CDH11: variants seen among roughly 807,000 people sequenced by gnomAD.
CDH11 encodes cadherin 11, also known as cadherin-11.
A neutral mutation model predicts 67.8 loss-of-function variants in CDH11; 11 were observed. That is an observed-to-expected ratio of 0.16 (90% CI 0.10 to 0.27). CDH11 has a LOEUF of 0.27. Ranked by LOEUF, CDH11 falls within the 10% of genes least tolerant of loss-of-function variation. CDH11 has a pLI of 1.00. For synonymous variants in CDH11, 419 were observed against 400.0 expected (o/e 1.05, Z -0.57); for missense variants, 847 against 1,031.2 (o/e 0.82, Z 2.45).
At chr16:64,972,880 C>A (rs754938320) in intron 9 of CDH11, 24 bp downstream of exon 9, 13 of 1,611,926 alleles carry the variant, frequency 8.1e-6, no homozygotes, top group South Asian at 1.1e-5. Flanking sequence ...AAAGTAGAAT[C>A]AAAACCATGA....
At chr16:65,109,928 C>A in intron 1 of CDH11, among the ~76,000 whole-genome samples, 1 of 152,206 alleles carries the variant, frequency 6.6e-6, no homozygotes, top group East Asian at 1.9e-4. Context: ...GACACCCAAG[C>A]TGGAGTGCAG....
At chr16:65,117,295 A>G (rs1369444903) in intron 1 of CDH11, among the ~76,000 whole-genome samples, 1 of 152,220 alleles carries the variant, frequency 6.6e-6, no homozygotes, top group Non-Finnish European at 1.5e-5. Context: ...TAAGACAAAA[A>G]ACACAAATAA....
At chr16:65,013,584 G>T (rs1034535726) in intron 2 of CDH11, among the ~76,000 whole-genome samples, 1 of 152,110 alleles carries the variant, frequency 6.6e-6, no homozygotes, top group Non-Finnish European at 1.5e-5. Context: ...CAGCACTTTG[G>T]AAGGCTGAGG....
At position 65,053,910 on chromosome 16, in the gene CDH11, G is replaced by T. The variant is rs991597645; in HGVS notation, c.-279C>A. On this transcript the variant is annotated 5_prime_UTR_variant, in exon 2 of 13. Coordinates refer to ENST00000268603, the MANE Select transcript of CDH11 (RefSeq NM_001797.4). ...CGAAGGAATGTCACAGGGCCGCTGA[G>T]CTGAAAACACAGTGATTTCTGCAAA... 1 of 456,050 alleles carries T rather than the reference G, an allele frequency of 2.2e-6. No homozygotes were observed. Among genetic ancestry groups the T allele is most frequent in the Non-Finnish European group, 4.4e-6 (1 of 226,798 alleles). The allele number at this position is 456,050 out of a possible 1,614,324, so 28.3% of individuals were successfully genotyped here.
intron 1 of CDH11, among the ~76,000 whole-genome samples, chr16:65,054,143 T>A (rs1454129706): frequency 1.3e-5 from 2 of 152,232 alleles, no homozygotes; most frequent in African/African-American, 2.4e-5. Flanking sequence ...TGATTAACCA[T>A]ACATGCGTTT....
At chr16:65,101,187 T>G (rs2142857439) in intron 1 of CDH11, among the ~76,000 whole-genome samples, 1 of 152,316 alleles carries the variant, frequency 6.6e-6, no homozygotes, top group East Asian at 1.9e-4. Flanking sequence ...TGTTGGCCTC[T>G]CAGAACCCCA....
chr16:65,056,582 T>C (rs2074147491), intron 1 of CDH11, among the ~76,000 whole-genome samples: 1 of 152,186 alleles, frequency 6.6e-6, no homozygotes, highest in Admixed American at 6.5e-5. Flanking sequence ...CAGTGAATTA[T>C]CCTTAAGCAC....
At chr16:65,122,136 C>CG (rs1159764403), upstream of CDH11, 272 of 45,934 alleles carry the variant, frequency 5.9e-3, 1 homozygote, top group African/African-American at 9.7e-3. Flanking sequence ...GGGTGCGGGG[C>CG]GGGGGGGGCG....
At chr16:65,065,938 T>C (rs2074305656) in intron 1 of CDH11, among the ~76,000 whole-genome samples, 1 of 152,214 alleles carries the variant, frequency 6.6e-6, no homozygotes, top group Non-Finnish European at 1.5e-5. Flanking sequence ...TATTTGAAAG[T>C]GGAGAAATCT....
intron 1 of CDH11, among the ~76,000 whole-genome samples, chr16:65,063,452 T>C (rs1424898213): frequency 6.6e-6 from 1 of 152,160 alleles, no homozygotes; most frequent in Non-Finnish European, 1.5e-5. Context: ...ATGGCCCTGT[T>C]TGTCTGCAAA....
intron 1 of CDH11, among the ~76,000 whole-genome samples, chr16:65,101,822 T>C (rs1436010974): frequency 6.6e-6 from 1 of 152,238 alleles, no homozygotes; most frequent in African/African-American, 2.4e-5. Context: ...ATAGATACTG[T>C]GTCTACCTTG....
chr16:65,035,016 C>T (rs576322223), intron 2 of CDH11, among the ~76,000 whole-genome samples: 2 of 152,318 alleles, frequency 1.3e-5, no homozygotes, highest in South Asian at 4.1e-4. Flanking sequence ...GGAACTGACC[C>T]GAGAGGCCTG....
At chr16:65,036,497 T>C (rs1308882912) in intron 2 of CDH11, among the ~76,000 whole-genome samples, 1 of 152,104 alleles carries the variant, frequency 6.6e-6, no homozygotes, top group Non-Finnish European at 1.5e-5. Context: ...AACTCAGGCA[T>C]TAAAATGTCC....
At position 65,121,962 on chromosome 16, in the gene CDH11, A is replaced by T. The variant is rs1293906507; in HGVS notation, c.-380T>A. On this transcript the variant is annotated 5_prime_UTR_variant, in exon 1 of 13. Transcript: ENST00000268603. This position sits in a 1 kb window ranked among gnomAD's most constrained non-coding sequence, Gnocchi z 4.1. The stretch of plus-strand genomic sequence containing the variant: ...GCGCTGCGGTGTCAGTCCCGGCCCC[A>T]GTCCCGGTCCCATTCACAAGTCAGC... The T allele has an allele frequency of 4.3e-6, 3 of 701,562 alleles. No homozygotes were observed. Among genetic ancestry groups the T allele is most frequent in the Non-Finnish European group, 7.8e-6 (3 of 384,512 alleles). The allele number at this position is 701,562 out of a possible 1,614,324, so 43.5% of individuals were successfully genotyped here. A position where few individuals can be genotyped will look rare whatever the true frequency, so the allele number is the denominator to read the frequency against.
At chr16:65,010,952 C>CATATATATATATATAT (rs200372447) in intron 2 of CDH11, among the ~76,000 whole-genome samples, 6 of 135,888 alleles carry the variant, frequency 4.4e-5, no homozygotes, top group African/African-American at 1.6e-4. Flanking sequence ...ATATGTGTGA[C>CATATATATATATATAT]ATATATATAT....
rs80183880 is a variant in CDH11 at position 65,078,547 on chromosome 16, C to G, written c.-297-24619G>C. On this transcript the variant is annotated intron_variant, in intron 1 of 12. Coordinates refer to ENST00000268603, the MANE Select transcript of CDH11 (RefSeq NM_001797.4). ...ATCATTGAATACAATCCCCATCACA[C>G]TGCAAGAAGCTGATATTTGCCAGAA... is the stretch of plus-strand genomic sequence containing the variant. 2.7e-3 allele frequency among the ~76,000 whole-genome samples: 415 copies of G among 152,302 alleles called. 1 individual carries two copies. The highest frequency in any genetic ancestry group is 9.6e-3 in the African/African-American group (400 of 41,570).
chr16:64,948,226 A>G (rs1454702444), intron 12 of CDH11, 127 bp from the exon 13 acceptor site: 15 of 1,242,126 alleles, frequency 1.2e-5, no homozygotes, highest in Middle Eastern at 1.9e-4. Flanking sequence ...AGTATAGGAA[A>G]TGAGAGCTTT....
chr16:65,105,788 T>C (rs2075057128), intron 1 of CDH11, among the ~76,000 whole-genome samples: 1 of 152,208 alleles, frequency 6.6e-6, no homozygotes, highest in Non-Finnish European at 1.5e-5. Flanking sequence ...AAAGAAATGT[T>C]AATCGAATTG....
At chr16:65,051,714 T>C (rs2074059266) in intron 2 of CDH11, among the ~76,000 whole-genome samples, 1 of 152,078 alleles carries the variant, frequency 6.6e-6, no homozygotes, top group South Asian at 2.1e-4. Flanking sequence ...ACTGAGTGAG[T>C]TCTCACAAGA....
Sources: gnomAD v4.1 joint callset for allele counts (sites outside exome capture counted in the v4.1 genomes callset) on GRCh38, gnomAD v4.1.1 for gene constraint, Gnocchi (gnomAD v3.1) non-coding constraint, MANE v1.5 for transcripts, NCBI Gene and HGNC (gene_info 2026-07-23, HGNC 2026-07-21) for gene names.